Variants in SYTL2 observed in about 807,000 individuals in gnomAD.
The protein encoded by SYTL2 is synaptotagmin-like protein 2.
In SYTL2, 165 loss-of-function variants were observed where a neutral mutation model predicts 198.7. The ratio of observed to expected loss-of-function variants is 0.83; its 90% CI spans 0.73 to 0.94. The LOEUF (loss-of-function observed/expected upper bound fraction) is 0.94. SYTL2 is among the 40% of genes least tolerant of loss of function. The pLI is 0.00. For missense variants in SYTL2, 2,835 were observed against 2,582.8 expected (o/e 1.10, Z -2.12); for synonymous variants, 966 against 917.7 (o/e 1.05, Z -0.95).
intron 19 of SYTL2, 28 bp from the exon 20 acceptor site, chr11:85,695,368 A>G (rs776149119): frequency 2.6e-6 from 4 of 1,535,960 alleles, no homozygotes; most frequent in Non-Finnish European, 3.5e-6. Flanking sequence ...TGCATTTAGA[A>G]AGAAACAGCT....
chr11:85,792,999 G>A (rs1324236984), intron 1 of SYTL2, among the ~76,000 whole-genome samples: 2 of 151,932 alleles, frequency 1.3e-5, no homozygotes, highest in Non-Finnish European at 2.9e-5. Flanking sequence ...TGGTGTATAT[G>A]TGCCACATTT....
chr11:85,711,451 G>A (rs909073129), intron 12 of SYTL2, among the ~76,000 whole-genome samples: 7 of 152,112 alleles, frequency 4.6e-5, no homozygotes, highest in African/African-American at 1.4e-4. Flanking sequence ...CCAAAATAAC[G>A]AAGTGATTTC....
At chr11:85,779,801 T>A (rs1309417312) in intron 1 of SYTL2, among the ~76,000 whole-genome samples, 1 of 152,192 alleles carries the variant, frequency 6.6e-6, no homozygotes, top group East Asian at 1.9e-4. Flanking sequence ...CCTAAGGACA[T>A]ACTGTGTGAG....
At chr11:85,774,690 G>C (rs193200646) in intron 1 of SYTL2, among the ~76,000 whole-genome samples, 1 of 152,280 alleles carries the variant, frequency 6.6e-6, no homozygotes, top group Admixed American at 6.5e-5. Flanking sequence ...GAAGTATGAG[G>C]TTATAGCATC....
intron 16 of SYTL2, among the ~76,000 whole-genome samples, chr11:85,702,839 C>CTCACAAATGTTT (rs1194276661): frequency 2.6e-5 from 4 of 152,078 alleles, no homozygotes; most frequent in African/African-American, 9.7e-5. Flanking sequence ...ATAAGCAGGA[C>CTCACAAATGTTT]TCACAAATGT....
chr11:85,815,883 G>A (rs568783774), upstream of SYTL2, among the ~76,000 whole-genome samples: 3 of 152,156 alleles, frequency 2.0e-5, no homozygotes, highest in Non-Finnish European at 4.4e-5. Flanking sequence ...AGAAAAACTG[G>A]CTGGGCACGG....
intron 1 of SYTL2, among the ~76,000 whole-genome samples, chr11:85,772,418 C>T (rs1204914943): frequency 2.6e-5 from 4 of 152,144 alleles, no homozygotes; most frequent in Non-Finnish European, 2.9e-5. Context: ...ATCTGACTTG[C>T]TATCTATGAA....
intron 14 of SYTL2, chr11:85,708,254 C>G: frequency 3.5e-6 from 1 of 285,510 alleles, no homozygotes; most frequent in South Asian, 2.7e-5. Context: ...TTGGTGCTTG[C>G]AGTATTTTTA....
chr11:85,777,019 T>C (rs2092463332), intron 1 of SYTL2, among the ~76,000 whole-genome samples: 1 of 152,198 alleles, frequency 6.6e-6, no homozygotes, highest in Non-Finnish European at 1.5e-5. Context: ...ACAAGTCACA[T>C]GCCAACTCAC....
intron 1 of SYTL2, among the ~76,000 whole-genome samples, chr11:85,808,990 T>C (rs2092996731): frequency 6.6e-6 from 1 of 152,098 alleles, no homozygotes; most frequent in East Asian, 1.9e-4. Flanking sequence ...TGGAAGCCTA[T>C]ACAGGCACAG....
chr11:85,789,847 T>C (rs1403620348), intron 1 of SYTL2, among the ~76,000 whole-genome samples: 1 of 152,154 alleles, frequency 6.6e-6, no homozygotes, highest in Non-Finnish European at 1.5e-5. Flanking sequence ...GCCAAAGTTA[T>C]GATTTCTATT....
Position 85,725,364 on chromosome 11 carries a change from G to C in SYTL2, c.3994C>G (p.Leu1332Val). ...GDVASPPQDM[L>V]FPQDAHLVPQ... ...ACAAGATGAGCATCCTGGGGAAAAA[G>C]CATATCTTGGGGAGGGCTGGCCACA... Residue 1332 changes from leucine to valine, a missense_variant, in exon 8 of 20, where the codon CTT (leucine) becomes GTT (valine). Leu to Val is a conservative substitution (Grantham distance 32). Around this residue, in one of 3 missense-constraint regions of SYTL2, gnomAD observed 2,645 missense variants for 2,381.7 expected, o/e 1.11. Coordinates refer to ENST00000359152, the MANE Select transcript of SYTL2 (RefSeq NM_206927.4). 2 of 1,613,968 alleles carry C rather than the reference G, an allele frequency of 1.2e-6. No individual in the cohort carries two copies. The highest frequency in any genetic ancestry group is 1.7e-6 in the Non-Finnish European group (2 of 1,179,966).
chr11:85,744,382 T>G (rs1052321515), intron 4 of SYTL2, among the ~76,000 whole-genome samples: 1 of 152,214 alleles, frequency 6.6e-6, no homozygotes, highest in Non-Finnish European at 1.5e-5. Flanking sequence ...TAGTGACTAC[T>G]ATTAAGGTGT....
At chr11:85,719,338 T>A (rs551897434) in intron 9 of SYTL2, 9 of 1,151,066 alleles carry the variant, frequency 7.8e-6, no homozygotes, top group Non-Finnish European at 9.8e-6. Flanking sequence ...GGCAGGCTAG[T>A]GTGAGAGTGG....
chr11:85,818,276 A>G, the SYTL2 span, among the ~76,000 whole-genome samples: 4 of 152,108 alleles, frequency 2.6e-5, no homozygotes, highest in Admixed American at 2.0e-4. Flanking sequence ...ATGAAACATA[A>G]TTTTGTTACA....
chr11:85,854,579 G>T, the SYTL2 span: 1 of 152,314 alleles, frequency 6.6e-6, no homozygotes, highest in African/African-American at 2.4e-5. Flanking sequence ...ATTTAGTCCA[G>T]GGACCTGCCA....
At chr11:85,758,325 C>A (rs1419292570) in intron 1 of SYTL2, among the ~76,000 whole-genome samples, 1 of 152,072 alleles carries the variant, frequency 6.6e-6, no homozygotes, top group Non-Finnish European at 1.5e-5. Flanking sequence ...CACAAAAATG[C>A]CTGTCAGTGT....
At chr11:85,709,618 A>G in intron 13 of SYTL2, 118 bp from the exon 14 acceptor site, 1 of 906,394 alleles carries the variant, frequency 1.1e-6, no homozygotes, top group South Asian at 1.6e-5. Flanking sequence ...AAAGCAGTTA[A>G]TTCAATATAG....
At chr11:85,700,921 T>A (rs2084192009) in intron 16 of SYTL2, among the ~76,000 whole-genome samples, 1 of 152,214 alleles carries the variant, frequency 6.6e-6, no homozygotes, top group African/African-American at 2.4e-5. Context: ...AACACAAATA[T>A]TTTGTTAGCT....
Sources: allele counts gnomAD v4.1 joint callset (sites outside exome capture counted in the v4.1 genomes callset), GRCh38; gene constraint gnomAD v4.1.1; regional missense constraint gnomAD v4.1.1; transcripts MANE v1.5; gene names NCBI Gene and HGNC (gene_info 2026-07-23, HGNC 2026-07-21).